The following DZIP1 variants were observed in gnomAD, a reference collection of about 807,000 sequenced individuals.
The protein encoded by DZIP1 is cilium assembly protein DZIP1.
Under a neutral mutation model 107.6 loss-of-function variants are expected in DZIP1, and 97 were observed. The observed-to-expected ratio is 0.90, with a 90% CI of 0.77 to 1.07. DZIP1 has a LOEUF of 1.07. Ranked by LOEUF, DZIP1 falls within the 50% of genes least tolerant of loss-of-function variation. The pLI, the probability that DZIP1 is intolerant of heterozygous loss-of-function variation, is 0.00. For synonymous variants in DZIP1, 390 were observed against 386.4 expected (o/e 1.01, Z -0.11); for missense variants, 1,035 against 1,063.6 (o/e 0.97, Z 0.37).
chr13:95,616,517 C>T (rs557265837), intron 10 of DZIP1, among the ~76,000 whole-genome samples: 4 of 152,260 alleles, frequency 2.6e-5, no homozygotes, highest in East Asian at 3.9e-4. Flanking sequence ...GGGCCAATGA[C>T]GTGATTGGAG....
intron 20 of DZIP1, 91 bp from the exon 21 acceptor site, chr13:95,586,227 A>C: frequency 9.1e-7 from 1 of 1,099,744 alleles, no homozygotes; most frequent in South Asian, 1.9e-5. Flanking sequence ...ACTTTGAAAG[A>C]GTCTAAGCTT....
At chr13:95,613,614 C>T (rs1404312354) in intron 10 of DZIP1, among the ~76,000 whole-genome samples, 3 of 152,180 alleles carry the variant, frequency 2.0e-5, no homozygotes, top group African/African-American at 7.2e-5. Flanking sequence ...AGGAAGTGTC[C>T]GTGCCTGAGA....
intron 21 of DZIP1, among the ~76,000 whole-genome samples, chr13:95,585,686 T>A (rs761693269): frequency 3.3e-5 from 5 of 152,240 alleles, no homozygotes. Flanking sequence ...GTGAAGAAGA[T>A]CTGAAGGGCC....
intron 12 of DZIP1, among the ~76,000 whole-genome samples, chr13:95,610,836 G>T (rs906372210): frequency 6.6e-6 from 1 of 152,132 alleles, no homozygotes; most frequent in Non-Finnish European, 1.5e-5. Flanking sequence ...AAAAAGATGC[G>T]TTTGACCCAA....
At position 95,599,438 on chromosome 13, in the gene DZIP1, A is replaced by G; in HGVS notation, c.1478-14T>C. The G allele has an allele frequency of 1.9e-6, 3 of 1,608,306 alleles. No individual in the cohort carries two copies. The highest frequency in any genetic ancestry group is 2.6e-6 in the Non-Finnish European group (3 of 1,174,910). On this transcript the variant is annotated splice_polypyrimidine_tract_variant and intron_variant, in intron 14 of 22. Transcript: ENST00000376829. Reference sequence around the variant, plus strand: ...AGAATGCCTGTTCTATTAACAAGGAAAAATAAGAACAGTACAAACAGGACA... The same window carrying G: ...AGAATGCCTGTTCTATTAACAAGGAGAAATAAGAACAGTACAAACAGGACA...
At chr13:95,636,457 C>T (rs998384846) in intron 5 of DZIP1, among the ~76,000 whole-genome samples, 4 of 149,928 alleles carry the variant, frequency 2.7e-5, no homozygotes, top group African/African-American at 4.9e-5. Context: ...GCCGGAGAAT[C>T]GCTTGAACCT....
chr13:95,586,425 C>G (rs1407241507), intron 20 of DZIP1, among the ~76,000 whole-genome samples: 1 of 152,148 alleles, frequency 6.6e-6, no homozygotes, highest in Admixed American at 6.5e-5. Context: ...GTCTTGAACT[C>G]CCGGGCTCAA....
rs775002601 is a variant in DZIP1, at chr13:95,630,067, G to A, written c.732C>T (p.Val244=). 1.6e-5 allele frequency: 26 copies of A among 1,613,652 alleles called. No homozygotes were observed. The highest frequency in any genetic ancestry group is 1.9e-5 in the Non-Finnish European group (23 of 1,179,870). ...AQIEKLRSEI[V]VLKEELQLTR... Reference sequence around the variant, plus strand: ...TGAGCTGCAGCTCTTCCTTCAATACGACGATCTCACTCCGGAGCTTCTCAA... The same window carrying A: ...TGAGCTGCAGCTCTTCCTTCAATACAACGATCTCACTCCGGAGCTTCTCAA... The change falls in exon 7 of 23, where the codon GTC becomes GTT. Residue 244 remains valine, a synonymous_variant. Coordinates refer to ENST00000376829, the MANE Select transcript of DZIP1 (RefSeq NM_198968.4).
At chr13:95,615,810 A>T (rs1874983049) in intron 10 of DZIP1, among the ~76,000 whole-genome samples, 1 of 152,214 alleles carries the variant, frequency 6.6e-6, no homozygotes, top group South Asian at 2.1e-4. Context: ...GCAACACAGC[A>T]TCTGTCTAAG....
At chr13:95,620,055 G>T in intron 9 of DZIP1, 108 bp from the exon 10 acceptor site, 1 of 1,225,610 alleles carries the variant, frequency 8.2e-7, no homozygotes, top group Non-Finnish European at 1.1e-6. Context: ...TATCTATCTG[G>T]TAAAATTTTA....
intron 5 of DZIP1, among the ~76,000 whole-genome samples, chr13:95,635,198 C>CTT: frequency 7.5e-6 from 1 of 133,376 alleles, no homozygotes; most frequent in Admixed American, 7.7e-5. Context: ...TGCATATTTC[C>CTT]TTTTTTTTTT....
chr13:95,612,174 G>A lies in DZIP1; in HGVS notation c.1177C>T (p.Leu393=), dbSNP rs1232344391. The change falls in exon 11 of 23, where the codon CTG becomes TTG. Residue 393 remains leucine (L), a synonymous_variant. Transcript: ENST00000376829. ...GTTCGAAGTTTCTCTATATGTGACAGGAGCTGAAAAAAAGTTAAGAAAGGC... is the reference window on the plus strand; with the variant it reads ...GTTCGAAGTTTCTCTATATGTGACAAGAGCTGAAAAAAAGTTAAGAAAGGC... ...QEHKKEKGRL[L]SHIEKLRTSM... is the part of the protein sequence containing the mutation. The A allele has an allele frequency of 2.0e-5, 32 of 1,606,140 alleles. No individual in the cohort carries two copies. The highest frequency in any genetic ancestry group is 2.6e-5 in the Non-Finnish European group (31 of 1,178,782).
Position 95,589,169 on chromosome 13 carries a change from T to C in DZIP1, c.2012A>G (p.Lys671Arg), listed in dbSNP as rs774318145. ...CAATACTCACGTAATAGTTGAAGAC[T>C]TTCTGGGAAAAGGATCTTCCATGAC... ...KNVMEDPFPR[K>R]SSTITTPPFS... Residue 671 changes from lysine (K) to arginine (R), a missense_variant, in exon 19 of 23, where the codon AAG becomes AGG. Lys to Arg is a conservative substitution (Grantham distance 26, BLOSUM62 2). Coordinates refer to ENST00000376829, the MANE Select transcript of DZIP1 (RefSeq NM_198968.4). 1.2e-6 allele frequency: 2 copies of C among 1,607,062 alleles called. No homozygotes were observed. The highest frequency in any genetic ancestry group is 1.3e-5 in the African/African-American group (1 of 74,430).
chr13:95,642,060 G>T lies in DZIP1; in HGVS notation c.-31C>A, dbSNP rs759706890. On this transcript the variant is annotated 5_prime_UTR_variant, in exon 4 of 23. Coordinates refer to ENST00000376829, the MANE Select transcript of DZIP1 (RefSeq NM_198968.4). ...GAGCCGGGCGGTCTTTACCCAGCCTGGGCCGCCTCCCGGGCCGCCGCCGCC... is the reference window on the plus strand; with the variant it reads ...GAGCCGGGCGGTCTTTACCCAGCCTTGGCCGCCTCCCGGGCCGCCGCCGCC... 6.6e-7 allele frequency: 1 copy of T among 1,520,438 alleles called. No individual in the cohort carries two copies. Among genetic ancestry groups the T allele is most frequent in the Non-Finnish European group, 8.7e-7 (1 of 1,143,882 alleles). The allele number at this position is 1,520,438 out of a possible 1,614,324, so 94.2% of individuals were successfully genotyped here.
chr13:95,582,539 AAGC>A (rs1189945619), intron 22 of DZIP1, among the ~76,000 whole-genome samples: 8 of 152,142 alleles, frequency 5.3e-5, no homozygotes, highest in African/African-American at 1.9e-4. Flanking sequence ...CCTTGGATGC[AAGC>A]TTCTGCCCTG....
At chr13:95,600,872 T>C (rs1594669816) in intron 14 of DZIP1, among the ~76,000 whole-genome samples, 2 of 152,304 alleles carry the variant, frequency 1.3e-5, no homozygotes, top group Non-Finnish European at 2.9e-5. Context: ...ACCAAAAATA[T>C]GCTTTTCAAA....
At chr13:95,629,199 T>G (rs371095089) in intron 7 of DZIP1, among the ~76,000 whole-genome samples, 62 of 152,306 alleles carry the variant, frequency 4.1e-4, no homozygotes, top group African/African-American at 1.3e-3. Context: ...TAAATGCTCT[T>G]TGATGGCCTT....
At chr13:95,639,046 T>C (rs1427862905) in intron 5 of DZIP1, among the ~76,000 whole-genome samples, 1 of 152,208 alleles carries the variant, frequency 6.6e-6, no homozygotes, top group Non-Finnish European at 1.5e-5. Context: ...TTCCCAGGTA[T>C]TAGCTAAAAC....
At position 95,582,416 on chromosome 13, in the gene DZIP1, A is replaced by C. The variant is rs942139194; in HGVS notation, c.2525-103T>G. 3.3e-5 allele frequency: 33 copies of C among 986,946 alleles called. No homozygotes were observed. In the Middle Eastern group the frequency reaches 2.4e-3, roughly 72 times the overall value. 61.1% of individuals were successfully genotyped at this position (986,946 alleles called of 1,614,324 possible). On this transcript the variant is annotated intron_variant, in intron 22 of 22. Coordinates refer to ENST00000376829, the MANE Select transcript of DZIP1 (RefSeq NM_198968.4). ...AATTTCATATTGTCATTAATCACTC[A>C]GTGTCTAAATCTGTTCATGAATCCT...
Sources: allele counts gnomAD v4.1 joint callset (sites outside exome capture counted in the v4.1 genomes callset), GRCh38; gene constraint gnomAD v4.1.1; transcripts MANE v1.5; gene names NCBI Gene and HGNC (gene_info 2026-07-23, HGNC 2026-07-21).